The following TAFA5 variants were observed in gnomAD, a reference collection of about 807,000 sequenced individuals.
The protein encoded by TAFA5 is TAFA chemokine like family member 5.
A neutral mutation model predicts 15.3 loss-of-function variants in TAFA5; 6 were observed. The ratio of observed to expected loss-of-function variants is 0.39; its 90% CI spans 0.21 to 0.77. The LOEUF (loss-of-function observed/expected upper bound fraction) is 0.77. TAFA5 is among the 30% of genes least tolerant of loss of function. The pLI is 0.41. For synonymous variants in TAFA5, 103 were observed against 80.7 expected, an observed-to-expected ratio of 1.28 and a Z score of -1.48; for missense variants, 161 against 193.1, an observed-to-expected ratio of 0.83 and a Z score of 0.98.
intron 2 of TAFA5, among the ~76,000 whole-genome samples, chr22:48,661,447 G>A (rs1927437026): frequency 6.6e-6 from 1 of 152,224 alleles, no homozygotes; most frequent in Non-Finnish European, 1.5e-5. Context: ...TCCTGACCAT[G>A]CATGATGAGC....
At chr22:48,653,722 G>A (rs946311052) in intron 2 of TAFA5, among the ~76,000 whole-genome samples, 1 of 152,152 alleles carries the variant, frequency 6.6e-6, no homozygotes, top group Non-Finnish European at 1.5e-5. Flanking sequence ...GAGATGAGAC[G>A]GTTGGAGCCA....
intron 3 of TAFA5, among the ~76,000 whole-genome samples, chr22:48,740,898 G>A (rs780838827): frequency 1.3e-5 from 2 of 152,094 alleles, no homozygotes; most frequent in African/African-American, 2.4e-5. Context: ...CAGGTAAACA[G>A]CCTTAGAAAT....
At chr22:48,528,039 G>A (rs1035305993) in intron 1 of TAFA5, among the ~76,000 whole-genome samples, 3 of 152,262 alleles carry the variant, frequency 2.0e-5, no homozygotes, top group African/African-American at 7.2e-5. Context: ...AGATGAAAGC[G>A]GCATAGACAG....
At chr22:48,568,885 G>C (rs982017977) in intron 1 of TAFA5, among the ~76,000 whole-genome samples, 1 of 152,194 alleles carries the variant, frequency 6.6e-6, no homozygotes, top group Non-Finnish European at 1.5e-5. Context: ...GGCTGGGGTG[G>C]GGGACGAGGG....
intron 2 of TAFA5, among the ~76,000 whole-genome samples, chr22:48,673,410 C>G (rs186035706): frequency 2.6e-5 from 4 of 152,332 alleles, no homozygotes; most frequent in South Asian, 4.1e-4. Context: ...CTGCCTGTCT[C>G]GTCGCTTTCT....
chr22:48,691,852 C>T (rs1928553727), intron 2 of TAFA5, among the ~76,000 whole-genome samples: 2 of 152,166 alleles, frequency 1.3e-5, no homozygotes, highest in South Asian at 2.1e-4. Context: ...TGTCTGGGCC[C>T]TCCCAGGTGT....
At chr22:48,674,345 G>T (rs188024534) in intron 2 of TAFA5, among the ~76,000 whole-genome samples, 1 of 129,696 alleles carries the variant, frequency 7.7e-6, no homozygotes, top group East Asian at 2.1e-4. Context: ...TTCCGCCAGC[G>T]GTTCCTTTCT....
intron 3 of TAFA5, among the ~76,000 whole-genome samples, chr22:48,739,382 G>A (rs537631868): frequency 2.6e-5 from 4 of 152,256 alleles, no homozygotes; most frequent in South Asian, 4.1e-4. Flanking sequence ...AAAGCTAAGC[G>A]AAAGAATACA....
intron 2 of TAFA5, among the ~76,000 whole-genome samples, chr22:48,670,898 C>T (rs759618015): frequency 6.6e-6 from 1 of 152,214 alleles, no homozygotes; most frequent in African/African-American, 2.4e-5. Flanking sequence ...TTCCCAAAGC[C>T]TGGGACAGTT....
At chr22:48,647,628 G>A (rs561938450) in intron 2 of TAFA5, among the ~76,000 whole-genome samples, 5 of 152,256 alleles carry the variant, frequency 3.3e-5, no homozygotes, top group South Asian at 4.1e-4. Flanking sequence ...ATGTAGGCCC[G>A]GCATTAAATC....
chr22:48,693,530 A>G (rs145199853), intron 2 of TAFA5: 27 of 1,446,368 alleles, frequency 1.9e-5, no homozygotes, highest in Middle Eastern at 2.2e-4. Flanking sequence ...TGAGGCCCGC[A>G]GGAGGGGCGG....
Position 48,513,214 on chromosome 22 carries a change from A to G in TAFA5, c.112+23510A>G, listed in dbSNP as rs561036081. On this transcript the variant is annotated intron_variant, in intron 1 of 3. Coordinates refer to ENST00000402357, the MANE Select transcript of TAFA5 (RefSeq NM_001082967.3). ...CGTCTACAGGAAGTCCTCACTCCGC[A>G]TTGGTGATAAGAGCTGGAAACTGCA... Among the ~76,000 whole-genome samples the G allele has an allele frequency of 1.8e-4, 27 of 152,356 alleles. No homozygotes were observed. In the South Asian group the frequency reaches 5.4e-3, roughly 30 times the overall value.
chr22:48,681,384 T>C lies in TAFA5; in HGVS notation c.263-26333T>C, dbSNP rs1175254174. On this transcript the variant is annotated intron_variant, in intron 2 of 3. Transcript: ENST00000402357. ...GAGGCCGGGTGCGGTGGCTCACACCTGTAATCCTAGCACTTTGGGAGGCTG... is the reference window on the plus strand; with the variant it reads ...GAGGCCGGGTGCGGTGGCTCACACCCGTAATCCTAGCACTTTGGGAGGCTG... Among the ~76,000 whole-genome samples, 5 of 151,864 alleles carry C rather than the reference T, an allele frequency of 3.3e-5. No homozygotes were observed. The East Asian group carries it at 9.7e-4, about 29-fold the overall frequency.
chr22:48,568,734 G>A (rs1923486639), intron 1 of TAFA5, among the ~76,000 whole-genome samples: 1 of 152,224 alleles, frequency 6.6e-6, no homozygotes, highest in African/African-American at 2.4e-5. Flanking sequence ...GCTGTGACCA[G>A]TGGTCCTCCC....
At chr22:48,546,764 C>T in intron 1 of TAFA5, 1 of 359,484 alleles carries the variant, frequency 2.8e-6, no homozygotes, top group Non-Finnish European at 5.6e-6. Flanking sequence ...GAAAGGCTCA[C>T]TAGGCCATCC....
At chr22:48,613,592 C>T (rs1902050288) in intron 1 of TAFA5, among the ~76,000 whole-genome samples, 1 of 151,974 alleles carries the variant, frequency 6.6e-6, no homozygotes, top group African/African-American at 2.4e-5. Flanking sequence ...TCCCAGCCTC[C>T]TCCGTGAATT....
intron 1 of TAFA5, among the ~76,000 whole-genome samples, chr22:48,620,142 G>T (rs1254005384): frequency 6.6e-6 from 1 of 152,110 alleles, no homozygotes; most frequent in Non-Finnish European, 1.5e-5. Flanking sequence ...TCTGGGATGG[G>T]GGCAGGGTGG....
intron 1 of TAFA5, among the ~76,000 whole-genome samples, chr22:48,624,137 G>A (rs1323557184): frequency 6.6e-6 from 1 of 152,224 alleles, no homozygotes; most frequent in East Asian, 1.9e-4. Flanking sequence ...TTTGAGGAGC[G>A]AAGTTGGGTA....
At chr22:48,614,099 G>C (rs892553435) in intron 1 of TAFA5, among the ~76,000 whole-genome samples, 1 of 152,164 alleles carries the variant, frequency 6.6e-6, no homozygotes, top group East Asian at 1.9e-4. Context: ...GTTATCTCAG[G>C]ACAGCCGGTG....
Sources: allele counts gnomAD v4.1 joint callset (sites outside exome capture counted in the v4.1 genomes callset), GRCh38; gene constraint gnomAD v4.1.1; transcripts MANE v1.5; gene names NCBI Gene and HGNC (gene_info 2026-07-23, HGNC 2026-07-21).